PDE4DIP: variants seen among roughly 807,000 people sequenced by gnomAD.
PDE4DIP encodes myomegalin.
In PDE4DIP, 59 loss-of-function variants were observed where a neutral mutation model predicts 221.4. That is an observed-to-expected ratio of 0.27 (90% CI 0.22 to 0.33). The LOEUF (loss-of-function observed/expected upper bound fraction) is 0.33. Ranked by LOEUF, PDE4DIP falls within the 10% of genes least tolerant of loss-of-function variation. The pLI is 1.00. For synonymous variants in PDE4DIP, 404 were observed against 815.9 expected, an observed-to-expected ratio of 0.50 and a Z score of 8.60; for missense variants, 1,036 against 2,154.2, an observed-to-expected ratio of 0.48 and a Z score of 10.28.
At chr1:148,857,359 C>CTTTTTT (rs386368251) in intron 1 of PDE4DIP, among the ~76,000 whole-genome samples, 1 of 52,516 alleles carries the variant, frequency 1.9e-5, no homozygotes, top group Non-Finnish European at 3.2e-5. Context: ...TAGCCCCTTT[C>CTTTTTT]TTTTTTTTTT....
chr1:148,935,098 C>T (rs1344005351), intron 4 of PDE4DIP, among the ~76,000 whole-genome samples: 2 of 151,982 alleles, frequency 1.3e-5, no homozygotes, highest in Admixed American at 1.3e-4. Context: ...CCTGTAGTCC[C>T]AGCTACTCGG....
intron 1 of PDE4DIP, among the ~76,000 whole-genome samples, chr1:148,821,645 G>C (rs1669284078): frequency 6.9e-6 from 1 of 145,762 alleles, no homozygotes; most frequent in Non-Finnish European, 1.5e-5. Flanking sequence ...AGAGGAGGGG[G>C]CAGAGGTGAA....
chr1:148,870,530 C>T, intron 3 of PDE4DIP: 1 of 165,720 alleles, frequency 6.0e-6, no homozygotes, highest in Non-Finnish European at 9.7e-6. Context: ...GTCCTTATTT[C>T]TCGATGCTGG....
chr1:148,991,746 TG>T (rs1290940960), intron 21 of PDE4DIP, 138 bp from the exon 25 acceptor site: 1 of 719,076 alleles, frequency 1.4e-6, no homozygotes, highest in African/African-American at 1.8e-5. Context: ...CCAGCCCTGC[TG>T]GCTAGGGAGA....
chr1:148,988,066 G>A (rs1553551994), intron 21 of PDE4DIP, among the ~76,000 whole-genome samples: 1 of 152,156 alleles, frequency 6.6e-6, no homozygotes, highest in African/African-American at 2.4e-5. Flanking sequence ...CCTTTTCAAT[G>A]TCCTGTGAGG....
At chr1:148,972,267 C>T (rs1553529497) in exon 15 of PDE4DIP, 1 of 1,568,634 alleles carries the variant, frequency 6.4e-7, no homozygotes, top group South Asian at 1.1e-5. Flanking sequence ...GAGAGACTCC[C>T]TGATGTCCCA....
At chr1:148,889,791 A>T in exon 1 of PDE4DIP, 1 of 498,272 alleles carries the variant, frequency 2.0e-6, no homozygotes, top group Non-Finnish European at 3.4e-6. Flanking sequence ...CAGCACCTCA[A>T]TGACCTGAAG....
intron 1 of PDE4DIP, among the ~76,000 whole-genome samples, chr1:148,898,773 C>T (rs1215813573): frequency 1.0e-5 from 1 of 96,706 alleles, no homozygotes; most frequent in Non-Finnish European, 1.9e-5. Context: ...CCACCCACTT[C>T]GGCCTCCCAA....
At chr1:149,022,732 A>G (rs2073433543) in intron 37 of PDE4DIP, among the ~76,000 whole-genome samples, 2 of 151,538 alleles carry the variant, frequency 1.3e-5, no homozygotes, top group African/African-American at 4.8e-5. Flanking sequence ...CATTCTGTAT[A>G]GTAGATAATG....
At chr1:149,000,516 T>C (rs1364423538) in intron 23 of PDE4DIP, among the ~76,000 whole-genome samples, 11 of 150,742 alleles carry the variant, frequency 7.3e-5, no homozygotes, top group Non-Finnish European at 1.5e-4. Context: ...ATCTCACCAC[T>C]GCACTCCAGC....
rs782584544 is a variant in PDE4DIP, at chr1:148,953,930, C to T, written c.637-6724C>T. The T allele has an allele frequency of 6.3e-6, 10 of 1,578,968 alleles. 1 individual carries two copies. Among genetic ancestry groups the T allele is most frequent in the Middle Eastern group, 1.7e-4 (1 of 5,868 alleles). On this transcript the variant is annotated intron_variant, in intron 5 of 43. Transcript: ENST00000369354. ...GGTATACAAAACGGCTACATAGTGC[C>T]TTTCTGATTATAGCTAGCTGGCCTC...
intron 1 of PDE4DIP, among the ~76,000 whole-genome samples, chr1:148,838,732 GC>G (rs1421726585): frequency 9.7e-6 from 1 of 103,024 alleles, no homozygotes; most frequent in African/African-American, 3.2e-5. Context: ...TTGAAATTCT[GC>G]TGAAAATCTC....
chr1:148,965,500 T>C lies in PDE4DIP; in HGVS notation c.1211T>C (p.Leu404Ser), dbSNP rs587628745. ...TTAATTCAGGAATTGCGAAAAGCCT[T>C]GCAGCAGCTACAAGAAGAATTGCAG... The change falls in exon 10 of 44, where the codon TTG becomes TCG. Residue 404 changes from leucine to serine, a missense_variant. Transcript: ENST00000369354. 1.9e-5 allele frequency: 31 copies of C among 1,612,418 alleles called. 1 individual carries two copies. In the South Asian group the frequency reaches 3.0e-4, roughly 15 times the overall value.
chr1:149,029,881 C>A (rs782798810), exon 42 of PDE4DIP: 243 of 1,599,072 alleles, frequency 1.5e-4, no homozygotes, highest in Non-Finnish European at 1.2e-4. Context: ...CTGAAGAACG[C>A]CAACCAGCAG....
rs138585606 is a variant in PDE4DIP at position 149,024,456 on chromosome 1, G to A, written c.6097G>A (p.Asp2033Asn). Reference sequence around the variant, plus strand: ...TCCTTCTCTCTCAGCTTACAGCCTGGATGCCTGTCACCAAATCCCTTTGAG... The same window carrying A: ...TCCTTCTCTCTCAGCTTACAGCCTGAATGCCTGTCACCAAATCCCTTTGAG... Residue 2033 changes from aspartate to asparagine, a missense_variant, in exon 38 of 44, where the codon GAT (aspartate) becomes AAT (asparagine). Transcript: ENST00000369354. 1,657 of 1,540,066 alleles carry A rather than the reference G, an allele frequency of 1.1e-3. 5 individuals are homozygous for A. The highest frequency in any genetic ancestry group is 9.9e-4 in the Non-Finnish European group (1,131 of 1,141,856).
exon 19 of PDE4DIP, chr1:148,978,333 C>G (rs1464713271): frequency 9.3e-6 from 15 of 1,612,124 alleles, no homozygotes; most frequent in Non-Finnish European, 1.3e-5. Context: ...GAACGCCTGA[C>G]CCAGGAAGTC....
chr1:148,927,293 G>T (rs1553466409), intron 1 of PDE4DIP, among the ~76,000 whole-genome samples: 1 of 151,824 alleles, frequency 6.6e-6, no homozygotes, highest in African/African-American at 2.4e-5. Flanking sequence ...TTCTAACCTT[G>T]GTCAAAAGGT....
chr1:149,006,452 T>C (rs1409617966), intron 27 of PDE4DIP: 2 of 152,082 alleles, frequency 1.3e-5, no homozygotes, highest in South Asian at 2.1e-4. Context: ...CATTGCAAAA[T>C]GTAGTCAGCC....
intron 21 of PDE4DIP, chr1:148,990,534 A>G (rs2062822548): frequency 5.4e-6 from 1 of 185,630 alleles, no homozygotes; most frequent in Non-Finnish European, 1.0e-5. Context: ...CCAGAAGGAA[A>G]AGTGAGTGGC....
Sources: allele counts gnomAD v4.1 joint callset (sites outside exome capture counted in the v4.1 genomes callset), GRCh38; gene constraint gnomAD v4.1.1; transcripts MANE v1.5; gene names NCBI Gene and HGNC (gene_info 2026-07-23, HGNC 2026-07-21).